The following ACTR3 variants were observed in gnomAD, a reference collection of about 807,000 sequenced individuals.
The protein encoded by ACTR3 is actin-related protein 3.
In ACTR3, 12 loss-of-function variants were observed where a neutral mutation model predicts 56.8. The ratio of observed to expected loss-of-function variants is 0.21; its 90% confidence interval spans 0.14 to 0.34. The LOEUF (loss-of-function observed/expected upper bound fraction) is 0.34, where lower values mean the gene tolerates loss of function less well. ACTR3 is among the 10% of genes least tolerant of loss of function. The pLI, the probability that ACTR3 is intolerant of heterozygous loss-of-function variation, is 1.00. For synonymous variants in ACTR3, 162 were observed against 167.4 expected (o/e 0.97, Z 0.25); for missense variants, 282 against 512.5 (o/e 0.55, Z 4.34).
intron 1 of ACTR3, among the ~76,000 whole-genome samples, chr2:113,896,501 A>G (rs1679011569): frequency 6.6e-6 from 1 of 152,150 alleles, no homozygotes; most frequent in South Asian, 2.1e-4. Context: ...TGATTGGGAC[A>G]ATAAGGGAGT....
chr2:113,953,700 A>G (rs1410267595), intron 10 of ACTR3: 2 of 152,108 alleles, frequency 1.3e-5, no homozygotes, highest in Non-Finnish European at 2.9e-5. Context: ...ACACACACAC[A>G]CACTAAATTG....
chr2:113,937,442 G>GTGCTCTCTATTCC (rs1308819793), intron 6 of ACTR3, among the ~76,000 whole-genome samples: 7 of 152,198 alleles, frequency 4.6e-5, no homozygotes, highest in African/African-American at 1.7e-4. Flanking sequence ...ACCATATCTA[G>GTGCTCTCTATTCC]TGCTCTCTAT....
At position 113,908,791 on chromosome 2, in the gene ACTR3, G is replaced by A. The variant is rs188699614; in HGVS notation, c.45-4381G>A. 3.1e-3 allele frequency among the ~76,000 whole-genome samples: 469 copies of A among 151,952 alleles called. 4 individuals carry two copies. Among genetic ancestry groups the A allele is most frequent in the African/African-American group, 0.011 (443 of 41,452 alleles). Reference sequence around the variant, plus strand: ...TGTCATTCAGCACTTTACTCCCTGCGGGAGAAAATGTGACTTTTTGAAGGT... The same window carrying A: ...TGTCATTCAGCACTTTACTCCCTGCAGGAGAAAATGTGACTTTTTGAAGGT... On this transcript the variant is annotated intron_variant, in intron 1 of 11. Transcript: ENST00000263238.
intron 1 of ACTR3, among the ~76,000 whole-genome samples, chr2:113,893,612 C>T (rs755890216): frequency 5.0e-4 from 76 of 152,062 alleles, no homozygotes; most frequent in South Asian, 4.1e-4. Context: ...TTTTTAAATG[C>T]ATGTTTTTAC....
rs1231043819 is a variant in ACTR3 at position 113,890,791 on chromosome 2, A to G, written c.44+468A>G. 3.0e-6 allele frequency: 3 copies of G among 1,004,228 alleles called. 1 individual carries two copies. Among genetic ancestry groups the G allele is most frequent in the Middle Eastern group, 9.9e-4 (2 of 2,016 alleles). The allele number at this position is 1,004,228 out of a possible 1,614,324, so 62.2% of individuals were successfully genotyped here. A position where few individuals can be genotyped will look rare whatever the true frequency, so the allele number is the denominator to read the frequency against. On this transcript the variant is annotated intron_variant, in intron 1 of 11. Transcript: ENST00000263238. ...AGAAGCGCTCCTGGTAGGTTTGACAAGATCGCTGTGACAACATTCTGCCCA... is the reference window on the plus strand; with the variant it reads ...AGAAGCGCTCCTGGTAGGTTTGACAGGATCGCTGTGACAACATTCTGCCCA...
rs919862853 is a variant in ACTR3, at chr2:113,962,335, C to T, written c.*4880C>T. ...TCAGATTGTTGTACAAGGTAATTGA[C>T]ATGTCCTGAAATGTAACATTCAACA... On this transcript the variant is annotated 3_prime_UTR_variant, in exon 12 of 12. Coordinates refer to ENST00000263238, the MANE Select transcript of ACTR3 (RefSeq NM_005721.5). 8 of 151,936 alleles carry T rather than the reference C, an allele frequency of 5.3e-5. No homozygotes were observed. Among genetic ancestry groups the T allele is most frequent in the African/African-American group, 1.9e-4 (8 of 41,410 alleles). 9.4% of individuals were successfully genotyped at this position (151,936 alleles called of 1,614,324 possible).
intron 1 of ACTR3, among the ~76,000 whole-genome samples, chr2:113,906,890 T>G (rs1679203694): frequency 6.6e-6 from 1 of 152,088 alleles, no homozygotes; most frequent in Admixed American, 6.5e-5. Context: ...GTGTGAGATC[T>G]CCAACTTTGT....
intron 1 of ACTR3, among the ~76,000 whole-genome samples, chr2:113,912,895 T>C (rs1032855715): frequency 2.6e-5 from 4 of 152,030 alleles, no homozygotes; most frequent in African/African-American, 4.8e-5. Flanking sequence ...CTTTTGCTGT[T>C]AGAAGCAAGA....
intron 1 of ACTR3, among the ~76,000 whole-genome samples, chr2:113,909,475 C>T (rs375300346): frequency 5.9e-5 from 9 of 151,834 alleles, no homozygotes; most frequent in South Asian, 2.1e-4. Context: ...ATTTAGGAGA[C>T]GATATTTACA....
chr2:113,917,802 A>G (rs979553396), intron 3 of ACTR3, among the ~76,000 whole-genome samples: 1 of 152,248 alleles, frequency 6.6e-6, no homozygotes, highest in African/African-American at 2.4e-5. Flanking sequence ...TGTGGTGGAA[A>G]GGAAGACATT....
chr2:113,933,904 T>A (rs1187744402), intron 5 of ACTR3: 2 of 168,724 alleles, frequency 1.2e-5, no homozygotes, highest in East Asian at 1.8e-4. Context: ...AAGGTCTCGA[T>A]CTCCTGACCT....
At chr2:113,890,671 C>G (rs1412947365) in intron 1 of ACTR3, 4 of 1,179,282 alleles carry the variant, frequency 3.4e-6, no homozygotes, top group South Asian at 6.8e-5. Context: ...CCCGACCCAT[C>G]CGGCTTTCCT....
At chr2:113,891,564 T>A (rs1357125381) in intron 1 of ACTR3, among the ~76,000 whole-genome samples, 2 of 142,432 alleles carry the variant, frequency 1.4e-5, no homozygotes, top group Non-Finnish European at 3.0e-5. Context: ...CCCAGAACAC[T>A]CCCAGTTTTT....
At chr2:113,905,632 G>T (rs7582072) in intron 1 of ACTR3, among the ~76,000 whole-genome samples, 8 of 151,844 alleles carry the variant, frequency 5.3e-5, no homozygotes, top group African/African-American at 1.5e-4. Context: ...GAAACTCTGC[G>T]CATTAAGCAG....
At chr2:113,948,409 C>G (rs528678694) in intron 8 of ACTR3, among the ~76,000 whole-genome samples, 43 of 152,276 alleles carry the variant, frequency 2.8e-4, no homozygotes, top group African/African-American at 9.1e-4. Flanking sequence ...CTTGCCCTCC[C>G]AAAGCGCTGG....
chr2:113,893,468 C>A (rs7603764), intron 1 of ACTR3, among the ~76,000 whole-genome samples: 45,140 of 151,728 alleles, frequency 0.3, 11,034 homozygotes, highest in African/African-American at 0.67. Context: ...TAATTTTTCT[C>A]TTTTTAGTAG....
intron 8 of ACTR3, among the ~76,000 whole-genome samples, chr2:113,942,612 T>C (rs1679944486): frequency 6.6e-6 from 1 of 152,022 alleles, no homozygotes; most frequent in African/African-American, 2.4e-5. Flanking sequence ...GGGGGGGTCA[T>C]GAAAAGAGGA....
chr2:113,928,030 T>G (rs898097715), intron 4 of ACTR3, among the ~76,000 whole-genome samples: 2 of 152,192 alleles, frequency 1.3e-5, no homozygotes, highest in South Asian at 4.1e-4. Context: ...TTTAACATTT[T>G]TTTTTTATTT....
intron 4 of ACTR3, among the ~76,000 whole-genome samples, chr2:113,929,199 G>T (rs1373904072): frequency 6.6e-6 from 1 of 151,768 alleles, no homozygotes; most frequent in Admixed American, 6.6e-5. Context: ...CTGGAATGCA[G>T]TGGATCAATC....
Sources: allele counts gnomAD v4.1 joint callset (sites outside exome capture counted in the v4.1 genomes callset), GRCh38; gene constraint gnomAD v4.1.1; transcripts MANE v1.5; gene names NCBI Gene and HGNC (gene_info 2026-07-23, HGNC 2026-07-21).